KHDC4: variants seen among roughly 807,000 people sequenced by gnomAD.
KHDC4 encodes the protein KH domain containing 4, pre-mRNA splicing factor.
KHDC4 carries 19 observed loss-of-function variants against 74.5 expected under a neutral mutation model. The observed-to-expected ratio is 0.26, with a 90% confidence interval of 0.18 to 0.37. The LOEUF is 0.37. Ranked by LOEUF, KHDC4 falls within the 10% of genes least tolerant of loss-of-function variation. KHDC4 has a pLI of 1.00. For missense variants in KHDC4, 632 were observed against 754.1 expected, an observed-to-expected ratio of 0.84 and a Z score of 1.90; for synonymous variants, 253 against 266.1, an observed-to-expected ratio of 0.95 and a Z score of 0.48.
rs1393018668 is a variant in KHDC4 at position 155,914,202 on chromosome 1, T to C, written c.1764A>G (p.Pro588=). Residue 588 remains proline (P), a synonymous_variant, in exon 14 of 14, where the codon CCA becomes CCG. Coordinates refer to ENST00000368321, the MANE Select transcript of KHDC4 (RefSeq NM_014949.4). ...ATTGGTATCCCAAACTCCAGCCCTG[T>C]GGAAAACTACTTGCATTTTTATGAC... is the stretch of plus-strand genomic sequence containing the variant. ...HGGHKNASSF[P]QGWSLGYQYP... 1 of 1,614,030 alleles carries C rather than the reference T, an allele frequency of 6.2e-7. No homozygotes were observed. The highest frequency in any genetic ancestry group is 8.5e-7 in the Non-Finnish European group (1 of 1,180,024).
In KHDC4 at chr1:155,927,832, CCACACACACACACACA is replaced by C. The variant is rs199711249; in HGVS notation, c.465-692_465-677del. 4.3e-3 allele frequency among the ~76,000 whole-genome samples: 392 copies of C among 90,928 alleles called. 13 individuals carry two copies. The highest frequency in any genetic ancestry group is 0.014 in the African/African-American group (266 of 19,224). The allele number at this position is 90,928 out of a possible 152,430, so 59.7% of individuals were successfully genotyped here. A position where few individuals can be genotyped will look rare whatever the true frequency, so the allele number is the denominator to read the frequency against. Reference sequence around the variant, plus strand: ...AAAAAAAAAAAAAAAAAAAAAAAAACCACACACACACACACACACACACACACACACACACACACAC... The same window carrying C: ...AAAAAAAAAAAAAAAAAAAAAAAAACCACACACACACACACACACACACAC... On this transcript the variant is annotated intron_variant, in intron 4 of 13. Transcript: ENST00000368321.
chr1:155,923,689 T>C lies in KHDC4; in HGVS notation c.894-2A>G. On this transcript the variant is annotated splice_acceptor_variant, in intron 7 of 13. Coordinates refer to ENST00000368321, the MANE Select transcript of KHDC4 (RefSeq NM_014949.4). LOFTEE classifies it high-confidence loss of function. ...GCCAGGCCTTCTGGTTTGGGGTGAC[T>C]GCAAAGAAATAACCAGGAATTCAAA... 1 of 1,610,756 alleles carries C rather than the reference T, an allele frequency of 6.2e-7. No homozygotes were observed. The highest frequency in any genetic ancestry group is 8.5e-7 in the Non-Finnish European group (1 of 1,177,120).
At chr1:155,929,406 G>A in intron 3 of KHDC4, 31 bp from the exon 4 acceptor site, 1 of 1,548,450 alleles carries the variant, frequency 6.5e-7, no homozygotes, top group Non-Finnish European at 8.9e-7. Flanking sequence ...TTAAAAAAAT[G>A]TGGCAATTGG....
chr1:155,929,260 C>A, intron 4 of KHDC4, 36 bp downstream of exon 4: 1 of 1,465,066 alleles, frequency 6.8e-7, no homozygotes, highest in Non-Finnish European at 9.6e-7. Flanking sequence ...AGTCATACAC[C>A]CAACCCTTCC....
At chr1:155,920,855 T>C (rs1215084042) in intron 10 of KHDC4, among the ~76,000 whole-genome samples, 1 of 152,212 alleles carries the variant, frequency 6.6e-6, no homozygotes, top group Non-Finnish European at 1.5e-5. Flanking sequence ...CTGAGAGGTG[T>C]GGTGAAGGTA....
At chr1:155,921,296 C>T (rs1673857470) in intron 10 of KHDC4, 79 bp downstream of exon 10, 2 of 1,489,104 alleles carry the variant, frequency 1.3e-6, no homozygotes, top group South Asian at 2.4e-5. Flanking sequence ...TGATTTATTT[C>T]TGGAATACCA....
chr1:155,929,263 AC>A (rs1674092702), intron 4 of KHDC4, 32 bp downstream of exon 4: 1 of 1,480,088 alleles, frequency 6.8e-7, no homozygotes, highest in South Asian at 1.1e-5. Context: ...CATACACCCA[AC>A]CCTTCCATAA....
chr1:155,933,591 T>G (rs1411841271), intron 2 of KHDC4, 42 bp downstream of exon 2: 2 of 1,512,424 alleles, frequency 1.3e-6, no homozygotes, highest in South Asian at 2.4e-5. Context: ...GCAAAACAAC[T>G]ATTAAATTCG....
At chr1:155,934,262 G>T in intron 1 of KHDC4, 74 bp downstream of exon 1, 1 of 1,470,948 alleles carries the variant, frequency 6.8e-7, no homozygotes, top group Non-Finnish European at 9.4e-7. Flanking sequence ...CACCCTATAC[G>T]CAGCTTCTCA....
chr1:155,927,325 G>C (rs1205693691), intron 4 of KHDC4, among the ~76,000 whole-genome samples, 169 bp from the exon 5 acceptor site: 1 of 152,152 alleles, frequency 6.6e-6, no homozygotes, highest in Non-Finnish European at 1.5e-5. Context: ...TGCTTTAACA[G>C]CTGGGGAACA....
At chr1:155,917,402 C>A in intron 11 of KHDC4, 97 bp downstream of exon 11, 3 of 1,060,744 alleles carry the variant, frequency 2.8e-6, no homozygotes, top group South Asian at 1.4e-5. Flanking sequence ...AAGCAGAAAT[C>A]CTAGTACTGG....
intron 1 of KHDC4, 85 bp from the exon 2 acceptor site, chr1:155,933,934 C>G: frequency 1.8e-6 from 2 of 1,094,936 alleles, no homozygotes; most frequent in Non-Finnish European, 2.5e-6. Flanking sequence ...ACCCCATTTT[C>G]CCTCTATTAT....
intron 2 of KHDC4, among the ~76,000 whole-genome samples, chr1:155,931,212 C>T (rs1674133634): frequency 1.4e-5 from 2 of 147,682 alleles, no homozygotes; most frequent in African/African-American, 5.0e-5. Context: ...GTCTCAGCTA[C>T]TCAGCAGGCT....
rs1460211466 is a variant in KHDC4, at chr1:155,925,724, T to C, written c.801A>G (p.Thr267=). ...TGCCCCGCAGGAAGACTTTGGCACC[T>C]GTTTCAATCTGAATGTGCTGCAAAT... ...CSYLQHIQIE[T]GAKVFLRGKG... The change falls in exon 7 of 14, where the codon ACA becomes ACG. Residue 267 remains threonine, a synonymous_variant. Transcript: ENST00000368321. The C allele has an allele frequency of 6.2e-7, 1 of 1,614,238 alleles. No homozygotes were observed. The highest frequency in any genetic ancestry group is 1.1e-5 in the South Asian group (1 of 91,088).
At chr1:155,926,885 G>A (rs1166853453) in intron 5 of KHDC4, 46 bp from the exon 6 acceptor site, 1 of 1,598,894 alleles carries the variant, frequency 6.3e-7, no homozygotes, top group Admixed American at 1.7e-5. Flanking sequence ...GAACTGACTA[G>A]TGCCCAGGCA....
rs200448111 is a variant in KHDC4, at chr1:155,917,621, G to A, written c.1318C>T (p.Pro440Ser). The stretch of plus-strand genomic sequence containing the variant: ...TGGGGCTGGGGCTGGGGGCCAGCAG[G>A]CAAGGCAGTTTTGACAGGAGCAGCA... ...IPAAPVKTALPAGPQPQPQPQ... is the reference protein window; with the variant it reads ...IPAAPVKTALSAGPQPQPQPQ... Residue 440 changes from proline (P) to serine (S), a missense_variant, in exon 11 of 14, where the codon CCT (proline) becomes TCT (serine). Pro to Ser is a moderately conservative substitution (Grantham distance 74, BLOSUM62 -1). Transcript: ENST00000368321. 14 of 1,602,434 alleles carry A rather than the reference G, an allele frequency of 8.7e-6. No individual in the cohort carries two copies. The African/African-American group carries it at 1.5e-4, about 17-fold the overall frequency.
At position 155,916,702 on chromosome 1, in the gene KHDC4, G is replaced by C; in HGVS notation, c.1476C>G (p.Gly492=). The C allele has an allele frequency of 6.2e-7, 1 of 1,613,940 alleles. No homozygotes were observed. Among genetic ancestry groups the C allele is most frequent in the Non-Finnish European group, 8.5e-7 (1 of 1,179,956 alleles). Residue 492 remains glycine, a synonymous_variant, in exon 12 of 14, where the codon GGC becomes GGG. Coordinates refer to ENST00000368321, the MANE Select transcript of KHDC4 (RefSeq NM_014949.4). ...CTTCAATCTCATTCTGACTGGAGAAGCCTGTACCTAAATTAGTCATATGAA... is the reference window on the plus strand; with the variant it reads ...CTTCAATCTCATTCTGACTGGAGAACCCTGTACCTAAATTAGTCATATGAA... ...GPIHMTNLGT[G]FSSQNEIEGA... is the part of the protein sequence containing the mutation.
At chr1:155,925,560 C>A in intron 7 of KHDC4, 72 bp downstream of exon 7, 1 of 1,217,702 alleles carries the variant, frequency 8.2e-7, no homozygotes, top group Non-Finnish European at 1.2e-6. Flanking sequence ...TCTCTTGCTC[C>A]TTCTGAATCA....
At chr1:155,919,912 T>C (rs767807280) in intron 10 of KHDC4, 2 of 368,844 alleles carry the variant, frequency 5.4e-6, no homozygotes, top group Non-Finnish European at 5.4e-6. Context: ...TGTTACACAC[T>C]GTGCAACCCC....
Sources: allele counts gnomAD v4.1 joint callset (sites outside exome capture counted in the v4.1 genomes callset), GRCh38; gene constraint gnomAD v4.1.1; transcripts MANE v1.5; gene names NCBI Gene and HGNC (gene_info 2026-07-23, HGNC 2026-07-21).